The following ASB18 variants were observed in gnomAD, a reference collection of about 807,000 sequenced individuals.
The protein encoded by ASB18 is ankyrin repeat and SOCS box protein 18.
Under a neutral mutation model 33.4 loss-of-function variants are expected in ASB18, and 33 were observed. That is an observed-to-expected ratio of 0.99 (90% CI 0.75 to 1.32). The LOEUF (loss-of-function observed/expected upper bound fraction) is 1.32, where lower values mean the gene tolerates loss of function less well. ASB18 is among the 40% of genes most tolerant of loss of function. The pLI is 0.00. For synonymous variants in ASB18, 295 were observed against 307.6 expected, an observed-to-expected ratio of 0.96 and a Z score of 0.43; for missense variants, 694 against 655.5, an observed-to-expected ratio of 1.06 and a Z score of -0.64.
intron 3 of ASB18, among the ~76,000 whole-genome samples, chr2:236,232,880 G>T (rs989746435): frequency 2.6e-5 from 4 of 152,032 alleles, no homozygotes; most frequent in African/African-American, 7.2e-5. Context: ...TTTATACAAG[G>T]TCTTCCAGGA....
Position 236,228,132 on chromosome 2 carries a change from A to T in ASB18, c.596+9557T>A, listed in dbSNP as rs1402227535. Among the ~76,000 whole-genome samples, 1 of 152,260 alleles carries T rather than the reference A, an allele frequency of 6.6e-6. No individual in the cohort carries two copies. Among genetic ancestry groups the T allele is most frequent in the Non-Finnish European group, 1.5e-5 (1 of 68,038 alleles). On this transcript the variant is annotated intron_variant, in intron 3 of 5. Transcript: ENST00000409749. This position sits in a 1 kb window ranked among gnomAD's most constrained non-coding sequence, Gnocchi z 5.1. ...AGTCAAGAACAAAAATTGGAAGTGA[A>T]TGCAAGGTAGAAATTAATCCATGTC...
rs180718311 is a variant in ASB18, at chr2:236,204,940, C to T, written c.1102-8555G>A. 4.3e-3 allele frequency among the ~76,000 whole-genome samples: 651 copies of T among 152,342 alleles called. 1 individual carries two copies. Among genetic ancestry groups the T allele is most frequent in the Non-Finnish European group, 5.3e-3 (361 of 68,038 alleles). On this transcript the variant is annotated intron_variant, in intron 4 of 5. Coordinates refer to ENST00000409749, the MANE Select transcript of ASB18 (RefSeq NM_212556.4). The surrounding 1 kb of genome is among the most constrained non-coding windows in gnomAD (Gnocchi z 5.1). ...TTGCTCCTGTTTCTCCTACACTCCA[C>T]ATCCCATCTGTTAAAAAATCCTGTT...
chr2:236,240,165 G>A (rs1473623705), intron 2 of ASB18, among the ~76,000 whole-genome samples: 2 of 152,180 alleles, frequency 1.3e-5, no homozygotes, highest in African/African-American at 4.8e-5. Flanking sequence ...GTATGTCCAG[G>A]GCTGCCGTTG....
In ASB18 at chr2:236,241,394, C is replaced by T. The variant is rs372467826; in HGVS notation, c.214G>A (p.Asp72Asn). The change falls in exon 2 of 6, where the codon GAC becomes AAC. Residue 72 changes from aspartate to asparagine, a missense_variant. Coordinates refer to ENST00000409749, the MANE Select transcript of ASB18 (RefSeq NM_212556.4). The surrounding 1 kb of genome is among the most constrained non-coding windows in gnomAD (Gnocchi z 4.2). Reference sequence around the variant, plus strand: ...TGGTCCATGAGGGGCTTCAGATGGTCGAGGTCCCCTGCGACCAGGGCAGTG... The same window carrying T: ...TGGTCCATGAGGGGCTTCAGATGGTTGAGGTCCCCTGCGACCAGGGCAGTG... ...LPTGMLLGDL[D>N]HLKPLMDQFF... The T allele has an allele frequency of 1.2e-5, 19 of 1,613,970 alleles. No individual in the cohort carries two copies. Among genetic ancestry groups the T allele is most frequent in the East Asian group, 2.2e-5 (1 of 44,870 alleles).
rs1211069970 is a variant in ASB18, at chr2:236,255,820, A to G, written c.205+8321T>C. Among the ~76,000 whole-genome samples, 3 of 151,964 alleles carry G rather than the reference A, an allele frequency of 2.0e-5. No homozygotes were observed. Among genetic ancestry groups the G allele is most frequent in the Non-Finnish European group, 4.4e-5 (3 of 68,006 alleles). Reference sequence around the variant, plus strand: ...TCTCTGATTTACACACCCAAGTCCAAGTTGTGTCCCACTTCCCTGTCCCAC... The same window carrying G: ...TCTCTGATTTACACACCCAAGTCCAGGTTGTGTCCCACTTCCCTGTCCCAC... On this transcript the variant is annotated intron_variant, in intron 1 of 5. Coordinates refer to ENST00000409749, the MANE Select transcript of ASB18 (RefSeq NM_212556.4). The surrounding 1 kb of genome is among the most constrained non-coding windows in gnomAD (Gnocchi z 4.4).
chr2:236,211,054 A>C lies in ASB18; in HGVS notation c.1101+3308T>G, dbSNP rs775016974. ...CGTATTCCAGGTAAGGAGAGGCTGAAGGAGAGAGACCCCTGAGCACAGCCT... is the reference window on the plus strand; with the variant it reads ...CGTATTCCAGGTAAGGAGAGGCTGACGGAGAGAGACCCCTGAGCACAGCCT... On this transcript the variant is annotated intron_variant, in intron 4 of 5. Transcript: ENST00000409749. This position sits in a 1 kb window ranked among gnomAD's most constrained non-coding sequence, Gnocchi z 5.0. Among the ~76,000 whole-genome samples the C allele has an allele frequency of 6.6e-6, 1 of 152,198 alleles. No homozygotes were observed. The highest frequency in any genetic ancestry group is 1.5e-5 in the Non-Finnish European group (1 of 68,034).
chr2:236,249,077 T>A lies in ASB18; in HGVS notation c.206-7675A>T, dbSNP rs959551660. On this transcript the variant is annotated intron_variant, in intron 1 of 5. Coordinates refer to ENST00000409749, the MANE Select transcript of ASB18 (RefSeq NM_212556.4). The surrounding 1 kb of genome is among the most constrained non-coding windows in gnomAD (Gnocchi z 4.6). ...AGATGGCATAAATGCAGCAAATTAT[T>A]TGAAAACATTCAAAGCATGTCTGTA... The A allele has an allele frequency of 1.3e-5, 2 of 152,370 alleles. No individual in the cohort carries two copies. Among genetic ancestry groups the A allele is most frequent in the East Asian group, 1.9e-4 (1 of 5,192 alleles). The allele number at this position is 152,370 out of a possible 1,614,324, so 9.4% of individuals were successfully genotyped here. A position where few individuals can be genotyped will look rare whatever the true frequency, so the allele number is the denominator to read the frequency against.
At position 236,225,489 on chromosome 2, in the gene ASB18, C is replaced by T. The variant is rs1054848753; in HGVS notation, c.597-10623G>A. Among the ~76,000 whole-genome samples, 1 of 152,104 alleles carries T rather than the reference C, an allele frequency of 6.6e-6. No individual in the cohort carries two copies. Among genetic ancestry groups the T allele is most frequent in the Non-Finnish European group, 1.5e-5 (1 of 68,026 alleles). On this transcript the variant is annotated intron_variant, in intron 3 of 5. Coordinates refer to ENST00000409749, the MANE Select transcript of ASB18 (RefSeq NM_212556.4). This position sits in a 1 kb window ranked among gnomAD's most constrained non-coding sequence, Gnocchi z 5.1. ...TTGCATGCTTTTCATTAATAAATTC[C>T]GTGAGGAAAGCAAGTCATTCTCACT... is the stretch of plus-strand genomic sequence containing the variant.
chr2:236,234,116 C>A lies in ASB18; in HGVS notation c.596+3573G>T, dbSNP rs1188188877. On this transcript the variant is annotated intron_variant, in intron 3 of 5. Transcript: ENST00000409749. This position sits in a 1 kb window ranked among gnomAD's most constrained non-coding sequence, Gnocchi z 4.1. ...CTGCCATGGCACCTTGGTGACCCTG[C>A]ACATATCCACATAGGCCACAAAGCA... Among the ~76,000 whole-genome samples, 1 of 152,206 alleles carries A rather than the reference C, an allele frequency of 6.6e-6. No homozygotes were observed. The highest frequency in any genetic ancestry group is 1.5e-5 in the Non-Finnish European group (1 of 68,036).
chr2:236,253,395 A>G lies in ASB18; in HGVS notation c.205+10746T>C, dbSNP rs2106285095. 6.6e-6 allele frequency among the ~76,000 whole-genome samples: 1 copy of G among 152,106 alleles called. No individual in the cohort carries two copies. Among genetic ancestry groups the G allele is most frequent in the East Asian group, 1.9e-4 (1 of 5,176 alleles). ...TCTTTATTTTTGTTTTTATTTTTTT[A>G]AGGACAGCGTCTCACTCTGTTGCCT... On this transcript the variant is annotated intron_variant, in intron 1 of 5. Coordinates refer to ENST00000409749, the MANE Select transcript of ASB18 (RefSeq NM_212556.4). The surrounding 1 kb of genome is among the most constrained non-coding windows in gnomAD (Gnocchi z 5.4).
chr2:236,206,916 A>C (rs900421305), intron 4 of ASB18, among the ~76,000 whole-genome samples: 6 of 152,218 alleles, frequency 3.9e-5, no homozygotes, highest in African/African-American at 1.4e-4. Context: ...GTCAGGGGCT[A>C]CCCACTGGGG....
rs142997032 is a variant in ASB18 at position 236,206,881 on chromosome 2, G to A, written c.1101+7481C>T. On this transcript the variant is annotated intron_variant, in intron 4 of 5. Coordinates refer to ENST00000409749, the MANE Select transcript of ASB18 (RefSeq NM_212556.4). ...TAGTCTAATCAGAGTCCAGAGACCA[G>A]GGCCATCCGCTGGAAGCAAGTTGAG... Among the ~76,000 whole-genome samples, 40 of 152,326 alleles carry A rather than the reference G, an allele frequency of 2.6e-4. 1 individual carries two copies. The East Asian group carries it at 7.7e-3, about 29-fold the overall frequency.
chr2:236,198,930 A>T (rs1378971258), intron 4 of ASB18, among the ~76,000 whole-genome samples: 1 of 152,206 alleles, frequency 6.6e-6, no homozygotes. Flanking sequence ...CATTAATAGC[A>T]TGCATAATTA....
intron 4 of ASB18, among the ~76,000 whole-genome samples, chr2:236,212,201 G>T (rs2060461790): frequency 6.6e-6 from 1 of 152,172 alleles, no homozygotes; most frequent in South Asian, 2.1e-4. Flanking sequence ...CAACCTGAAT[G>T]GAGGATGAGT....
rs953862646 is a variant in ASB18, at chr2:236,251,760, A to T, written c.206-10358T>A. Among the ~76,000 whole-genome samples, 1 of 152,248 alleles carries T rather than the reference A, an allele frequency of 6.6e-6. No homozygotes were observed. Among genetic ancestry groups the T allele is most frequent in the Non-Finnish European group, 1.5e-5 (1 of 68,038 alleles). On this transcript the variant is annotated intron_variant, in intron 1 of 5. Coordinates refer to ENST00000409749, the MANE Select transcript of ASB18 (RefSeq NM_212556.4). The surrounding 1 kb of genome is among the most constrained non-coding windows in gnomAD (Gnocchi z 5.3). ...AAACACTGGACTGCTAATCACGTTC[A>T]ATTTTACTAACCTAAAATACAAGTG...
rs549809256 is a variant in ASB18 at position 236,200,542 on chromosome 2, C to T, written c.1102-4157G>A. On this transcript the variant is annotated intron_variant, in intron 4 of 5. Transcript: ENST00000409749. The surrounding 1 kb of genome is among the most constrained non-coding windows in gnomAD (Gnocchi z 4.2). ...CTGTCGTAGCAGAAGCAGCAGTCCT[C>T]GCTTGGGGATACACAGCTAGCCTGA... 3.4e-4 allele frequency among the ~76,000 whole-genome samples: 51 copies of T among 152,184 alleles called. 1 individual carries two copies. Among genetic ancestry groups the T allele is most frequent in the African/African-American group, 5.6e-4 (23 of 41,430 alleles).
intron 4 of ASB18, among the ~76,000 whole-genome samples, chr2:236,206,805 A>C (rs920648975): frequency 2.0e-5 from 3 of 152,214 alleles, no homozygotes; most frequent in African/African-American, 7.2e-5. Context: ...GAGATTAGCG[A>C]AATAGAAAGC....
rs1340814158 is a variant in ASB18, at chr2:236,195,798, G to A, written c.1215+474C>T. ...CTCAAAGTGCTAGGATTACAGGCAT[G>A]AGCCACCGCACCTGGCCTGTTCTCA... is the stretch of plus-strand genomic sequence containing the variant. On this transcript the variant is annotated intron_variant, in intron 5 of 5. Coordinates refer to ENST00000409749, the MANE Select transcript of ASB18 (RefSeq NM_212556.4). This position sits in a 1 kb window ranked among gnomAD's most constrained non-coding sequence, Gnocchi z 5.5. 1.3e-5 allele frequency among the ~76,000 whole-genome samples: 2 copies of A among 152,112 alleles called. No individual in the cohort carries two copies. The highest frequency in any genetic ancestry group is 6.5e-5 in the Admixed American group (1 of 15,278).
In ASB18 at chr2:236,211,424, G is replaced by A. The variant is rs1468506590; in HGVS notation, c.1101+2938C>T. 1.3e-5 allele frequency among the ~76,000 whole-genome samples: 2 copies of A among 152,266 alleles called. No homozygotes were observed. Among genetic ancestry groups the A allele is most frequent in the Non-Finnish European group, 2.9e-5 (2 of 68,052 alleles). On this transcript the variant is annotated intron_variant, in intron 4 of 5. Transcript: ENST00000409749. This position sits in a 1 kb window ranked among gnomAD's most constrained non-coding sequence, Gnocchi z 5.0. ...AGGATGCCCTGTGTCCGCCTGCCGC[G>A]ACGATGGTGCCTTTGTCTGGGCATG...
Sources: gnomAD v4.1 joint callset for allele counts (sites outside exome capture counted in the v4.1 genomes callset) on GRCh38, gnomAD v4.1.1 for gene constraint, Gnocchi (gnomAD v3.1) non-coding constraint, MANE v1.5 for transcripts, NCBI Gene and HGNC (gene_info 2026-07-23, HGNC 2026-07-21) for gene names.